The following ATP2C1 variants were observed in gnomAD, a reference collection of about 807,000 sequenced individuals.
ATP2C1 encodes ATPase secretory pathway Ca2+ transporting 1.
Under a neutral mutation model 120.5 loss-of-function variants are expected in ATP2C1, and 31 were observed. That is an observed-to-expected ratio of 0.26 (90% confidence interval 0.19 to 0.35). ATP2C1 has a LOEUF of 0.35. Ranked by LOEUF, ATP2C1 falls within the 10% of genes least tolerant of loss-of-function variation. The pLI, the probability that ATP2C1 is intolerant of heterozygous loss-of-function variation, is 1.00. For synonymous variants in ATP2C1, 351 were observed against 358.7 expected, an observed-to-expected ratio of 0.98 and a Z score of 0.24; for missense variants, 731 against 1,107.5, an observed-to-expected ratio of 0.66 and a Z score of 4.83.
chr3:130,998,703 T>A (rs1577043678), intron 26 of ATP2C1, among the ~76,000 whole-genome samples: 1 of 152,326 alleles, frequency 6.6e-6, no homozygotes, highest in East Asian at 1.9e-4. Context: ...ACAAACCTCA[T>A]AGTTTCTGTT....
chr3:130,893,849 C>A, upstream of ATP2C1: 2 of 879,438 alleles, frequency 2.3e-6, no homozygotes, highest in Non-Finnish European at 2.7e-6. Flanking sequence ...CCACCAACCC[C>A]GAGCGACCTC....
Position 130,959,300 on chromosome 3 carries a change from A to C in ATP2C1, c.858A>C (p.Leu286Phe). 6.2e-7 allele frequency: 1 copy of C among 1,609,204 alleles called. No homozygotes were observed. Among genetic ancestry groups the C allele is most frequent in the Middle Eastern group, 1.7e-4 (1 of 6,048 alleles). Residue 286 changes from leucine to phenylalanine, a missense_variant, in exon 12 of 28, where the codon TTA (leucine) becomes TTC (phenylalanine). Physicochemically the swap from Leu to Phe is conservative, Grantham distance 22. Coordinates refer to ENST00000510168, the MANE Select transcript of ATP2C1 (RefSeq NM_001378687.1). ...IIGIIMLVGW[L>F]LGKDILEMFT... Reference sequence around the variant, plus strand: ...GAATCATCATGTTGGTTGGCTGGTTACTGGGAAAAGATATCCTGGAAATGT... The same window carrying C: ...GAATCATCATGTTGGTTGGCTGGTTCCTGGGAAAAGATATCCTGGAAATGT...
chr3:130,938,440 A>T (rs1039420337), intron 6 of ATP2C1, among the ~76,000 whole-genome samples: 1 of 152,224 alleles, frequency 6.6e-6, no homozygotes, highest in Non-Finnish European at 1.5e-5. Flanking sequence ...TTGTTCTTAC[A>T]TCTACGATTT....
At chr3:130,876,400 T>C (rs1269401119) in intron 1 of ATP2C1, among the ~76,000 whole-genome samples, 1 of 152,176 alleles carries the variant, frequency 6.6e-6, no homozygotes, top group Non-Finnish European at 1.5e-5. Flanking sequence ...CACTAGTGTA[T>C]GTTCTTGTCT....
At chr3:130,916,226 T>G in intron 2 of ATP2C1, among the ~76,000 whole-genome samples, 1 of 147,504 alleles carries the variant, frequency 6.8e-6, no homozygotes. Context: ...GGCAACACGG[T>G]GAAACCCTGT....
At position 131,002,153 on chromosome 3, in the gene ATP2C1, T is replaced by G; in HGVS notation, c.*803T>G. 1.0e-6 allele frequency: 1 copy of G among 979,376 alleles called. No individual in the cohort carries two copies. The highest frequency in any genetic ancestry group is 4.7e-5 in the South Asian group (1 of 21,148). The allele number at this position is 979,376 out of a possible 1,614,324, so 60.7% of individuals were successfully genotyped here. On this transcript the variant is annotated 3_prime_UTR_variant, in exon 28 of 28. Coordinates refer to ENST00000510168, the MANE Select transcript of ATP2C1 (RefSeq NM_001378687.1). The stretch of plus-strand genomic sequence containing the variant: ...ATTTAAGACTGATTGGGTTGAAGTT[T>G]ATAATAAATTATATTAACATGTCTT...
At chr3:130,993,084 G>A (rs1038960589) in intron 21 of ATP2C1, 83 bp downstream of exon 21, 2 of 1,215,994 alleles carry the variant, frequency 1.6e-6, no homozygotes, top group African/African-American at 1.5e-5. Context: ...ATTACAGGGA[G>A]TAGAGCATCA....
downstream of ATP2C1, among the ~76,000 whole-genome samples, chr3:131,003,889 A>C (rs2063001191): frequency 6.6e-6 from 1 of 152,230 alleles, no homozygotes; most frequent in Admixed American, 6.5e-5. Flanking sequence ...AATAAACATA[A>C]TATTTAGGAA....
chr3:130,998,788 C>T (rs1185550640), intron 26 of ATP2C1, among the ~76,000 whole-genome samples: 1 of 151,848 alleles, frequency 6.6e-6, no homozygotes, highest in Non-Finnish European at 1.5e-5. Flanking sequence ...ATTTTTTTTC[C>T]CATCACTCCT....
chr3:130,976,515 G>A (rs2061534046), intron 18 of ATP2C1, among the ~76,000 whole-genome samples: 1 of 152,166 alleles, frequency 6.6e-6, no homozygotes, highest in Admixed American at 6.5e-5. Context: ...GGAAATGGGA[G>A]GCAGAGACTC....
At chr3:130,930,292 T>G (rs2059398018) in intron 2 of ATP2C1, 124 bp from the exon 3 acceptor site, 1 of 714,998 alleles carries the variant, frequency 1.4e-6, no homozygotes, top group African/African-American at 1.8e-5. Flanking sequence ...AGCTACGTAA[T>G]TAGTCTGAAA....
At chr3:130,913,816 A>G (rs989008448) in intron 2 of ATP2C1, among the ~76,000 whole-genome samples, 13 of 152,218 alleles carry the variant, frequency 8.5e-5, no homozygotes, top group African/African-American at 2.4e-4. Flanking sequence ...ATAGTTAAGA[A>G]GGAGGACTTT....
At chr3:130,941,268 G>GTGTGTC (rs2059904343) in intron 7 of ATP2C1, among the ~76,000 whole-genome samples, 3 of 150,066 alleles carry the variant, frequency 2.0e-5, no homozygotes, top group African/African-American at 7.5e-5. Context: ...GTGTGTGTCT[G>GTGTGTC]TGTGTGTGCG....
intron 20 of ATP2C1, among the ~76,000 whole-genome samples, chr3:130,985,217 C>T (rs2061944686): frequency 6.6e-6 from 1 of 152,148 alleles, no homozygotes; most frequent in Non-Finnish European, 1.5e-5. Context: ...AAATTAGAAT[C>T]CTTTAAGTCT....
chr3:130,941,222 CAGTGTGTGTGTG>C (rs1401701666), intron 7 of ATP2C1, among the ~76,000 whole-genome samples: 3 of 105,128 alleles, frequency 2.9e-5, no homozygotes, highest in African/African-American at 6.9e-5. Context: ...CTGTATTTAA[CAGTGTGTGTGTG>C]TGTGTGTGTG....
intron 1 of ATP2C1, among the ~76,000 whole-genome samples, chr3:130,867,535 G>T (rs1449275576): frequency 2.0e-5 from 3 of 148,584 alleles, no homozygotes; most frequent in African/African-American, 7.5e-5. Context: ...CGAGTGATCC[G>T]CCAGCCTCGG....
chr3:130,995,789 C>T (rs934135644), intron 22 of ATP2C1, among the ~76,000 whole-genome samples: 22 of 151,984 alleles, frequency 1.4e-4, no homozygotes, highest in Non-Finnish European at 1.0e-4. Flanking sequence ...TACAGGCATG[C>T]GCCACCACAC....
intron 20 of ATP2C1, among the ~76,000 whole-genome samples, chr3:130,985,664 A>G (rs538348967): frequency 6.6e-6 from 1 of 151,948 alleles, no homozygotes; most frequent in African/African-American, 2.4e-5. Context: ...CCACCAAAAA[A>G]AAAAACCAAA....
At chr3:130,891,804 T>A (rs530157531), upstream of ATP2C1, among the ~76,000 whole-genome samples, 1 of 152,368 alleles carries the variant, frequency 6.6e-6, no homozygotes, top group Admixed American at 6.5e-5. Context: ...TATGTGTATA[T>A]GTTTGTCTAT....
Sources: allele counts gnomAD v4.1 joint callset (sites outside exome capture counted in the v4.1 genomes callset), GRCh38; gene constraint gnomAD v4.1.1; transcripts MANE v1.5; gene names NCBI Gene and HGNC (gene_info 2026-07-23, HGNC 2026-07-21).